ADAMTS17: variants seen among roughly 807,000 people sequenced by gnomAD.
The protein encoded by ADAMTS17 is ADAM metallopeptidase with thrombospondin type 1 motif 17, also known as A disintegrin and metalloproteinase with thrombospondin motifs 17.
A neutral mutation model predicts 141.5 loss-of-function variants in ADAMTS17; 113 were observed. The ratio of observed to expected loss-of-function variants is 0.80; its 90% CI spans 0.69 to 0.93. The LOEUF (loss-of-function observed/expected upper bound fraction) is 0.93. ADAMTS17 is among the 40% of genes least tolerant of loss of function. ADAMTS17 has a pLI of 0.00. For synonymous variants in ADAMTS17, 768 were observed against 630.6 expected (o/e 1.22, Z -3.27); for missense variants, 1,659 against 1,517.9 (o/e 1.09, Z -1.54).
chr15:100,211,791 GAT>G (rs772903330), intron 7 of ADAMTS17, among the ~76,000 whole-genome samples: 40 of 152,114 alleles, frequency 2.6e-4, no homozygotes, highest in Non-Finnish European at 4.7e-4. Context: ...ATCACAAGAA[GAT>G]ATCAATTCAC....
At chr15:99,999,041 C>T (rs565278093) in intron 18 of ADAMTS17, among the ~76,000 whole-genome samples, 30 of 152,266 alleles carry the variant, frequency 2.0e-4, no homozygotes, top group African/African-American at 6.0e-4. Context: ...ATCCTTTGAA[C>T]GGGTACTGGA....
chr15:100,285,294 G>A (rs183523518), intron 3 of ADAMTS17, among the ~76,000 whole-genome samples: 12 of 152,308 alleles, frequency 7.9e-5, no homozygotes, highest in African/African-American at 2.2e-4. Context: ...TACTCTAGAC[G>A]TTTGGGGACT....
intron 18 of ADAMTS17, among the ~76,000 whole-genome samples, chr15:100,015,191 C>G (rs2061263624): frequency 1.3e-5 from 2 of 152,170 alleles, no homozygotes; most frequent in African/African-American, 4.8e-5. Context: ...CCCCTGCTCA[C>G]TTTTGCTGTC....
At chr15:100,264,023 G>T (rs1037887602) in intron 4 of ADAMTS17, among the ~76,000 whole-genome samples, 1 of 152,148 alleles carries the variant, frequency 6.6e-6, no homozygotes, top group Admixed American at 6.5e-5. Flanking sequence ...GTCACTGCTC[G>T]AATTTTACTC....
chr15:100,276,777 C>T (rs2044112405), intron 4 of ADAMTS17, among the ~76,000 whole-genome samples: 2 of 152,238 alleles, frequency 1.3e-5, no homozygotes, highest in South Asian at 2.1e-4. Flanking sequence ...AGCCACAATC[C>T]TTTCCCGTCC....
Position 100,338,856 on chromosome 15 carries a change from G to A in ADAMTS17, c.450+2183C>T, listed in dbSNP as rs575491612. Reference sequence around the variant, plus strand: ...TCAGCCACCTGAACTGAGAACCAAAGTCAAAGCTAGTCTGCAATGCAAACT... The same window carrying A: ...TCAGCCACCTGAACTGAGAACCAAAATCAAAGCTAGTCTGCAATGCAAACT... On this transcript the variant is annotated intron_variant, in intron 2 of 21. Coordinates refer to ENST00000268070, the MANE Select transcript of ADAMTS17 (RefSeq NM_139057.4). The A allele has an allele frequency of 1.3e-5, 9 of 698,360 alleles. No individual in the cohort carries two copies. The South Asian group carries it at 5.7e-4, about 45-fold the overall frequency. The allele number at this position is 698,360 out of a possible 1,614,324, so 43.3% of individuals were successfully genotyped here.
intron 10 of ADAMTS17, 76 bp downstream of exon 10, chr15:100,152,536 C>G (rs1244182881): frequency 1.9e-6 from 3 of 1,594,886 alleles, no homozygotes; most frequent in African/African-American, 2.7e-5. Context: ...CCCATGTCCT[C>G]CAGCAGAAGC....
At chr15:100,264,575 T>C (rs191654031) in intron 4 of ADAMTS17, among the ~76,000 whole-genome samples, 146 of 152,318 alleles carry the variant, frequency 9.6e-4, no homozygotes, top group African/African-American at 3.4e-3. Flanking sequence ...CATATTCTGA[T>C]ATGCCACAAA....
Position 100,008,392 on chromosome 15 carries a change from G to A in ADAMTS17, c.2592-10803C>T, listed in dbSNP as rs756738523. Among the ~76,000 whole-genome samples, 45 of 152,298 alleles carry A rather than the reference G, an allele frequency of 3.0e-4. No individual in the cohort carries two copies. In the Middle Eastern group the frequency reaches 0.01, roughly 35 times the overall value. ...AGAACAGGCTGCTGCAGACACATGG[G>A]AATGGGACCCTGCCCACAGGTGGTG... On this transcript the variant is annotated intron_variant, in intron 18 of 21. Transcript: ENST00000268070.
chr15:100,310,303 G>A (rs944349957), intron 3 of ADAMTS17, among the ~76,000 whole-genome samples: 2 of 152,218 alleles, frequency 1.3e-5, no homozygotes, highest in Admixed American at 1.3e-4. Context: ...GAGAGGAGGG[G>A]TAATAAAGCA....
At chr15:100,135,739 A>C (rs1367517360) in intron 10 of ADAMTS17, among the ~76,000 whole-genome samples, 2 of 152,268 alleles carry the variant, frequency 1.3e-5, no homozygotes, top group Non-Finnish European at 2.9e-5. Flanking sequence ...ATTAAGAAAA[A>C]GACCCAGTAG....
intron 14 of ADAMTS17, among the ~76,000 whole-genome samples, chr15:100,100,820 A>C (rs1452804009): frequency 6.6e-6 from 1 of 152,106 alleles, no homozygotes; most frequent in Non-Finnish European, 1.5e-5. Flanking sequence ...GTCCGCACAT[A>C]TGAATTTAAG....
Position 100,296,580 on chromosome 15 carries a change from G to GTGT in ADAMTS17, c.617-15180_617-15179insACA, listed in dbSNP as rs1555504074. 8.7e-3 allele frequency among the ~76,000 whole-genome samples: 942 copies of GTGT among 108,002 alleles called. 2 individuals are homozygous for GTGT. The highest frequency in any genetic ancestry group is 0.023 in the African/African-American group (588 of 25,188). The allele number at this position is 108,002 out of a possible 152,430, so 70.9% of individuals were successfully genotyped here. On this transcript the variant is annotated intron_variant, in intron 3 of 21. Transcript: ENST00000268070. ...TTTTTGTTTGGAGGGGGTGAGGGGG[G>GTGT]GTGTGTGTGTGTGTGTGTGTGTGTA...
intron 12 of ADAMTS17, 80 bp from the exon 13 acceptor site, chr15:100,117,093 G>C (rs910342349): frequency 6.3e-5 from 94 of 1,503,358 alleles, no homozygotes; most frequent in Non-Finnish European, 7.9e-5. Flanking sequence ...CTCTTGCCAG[G>C]GGGAGGAGAG....
chr15:99,999,849 G>A (rs541124190), intron 18 of ADAMTS17, among the ~76,000 whole-genome samples: 58 of 152,212 alleles, frequency 3.8e-4, no homozygotes, highest in African/African-American at 1.4e-3. Context: ...GAGCCACCTG[G>A]GCTCCTCCCT....
At chr15:100,166,197 A>G (rs948548918) in intron 8 of ADAMTS17, among the ~76,000 whole-genome samples, 1 of 152,192 alleles carries the variant, frequency 6.6e-6, no homozygotes, top group South Asian at 2.1e-4. Flanking sequence ...GAAACCGTGA[A>G]TAAGATCTGC....
chr15:99,997,271 T>C lies in ADAMTS17; in HGVS notation c.2796+114A>G. 1 of 1,226,978 alleles carries C rather than the reference T, an allele frequency of 8.2e-7. No homozygotes were observed. Among genetic ancestry groups the C allele is most frequent in the Non-Finnish European group, 1.2e-6 (1 of 839,964 alleles). 76.0% of individuals were successfully genotyped at this position (1,226,978 alleles called of 1,614,324 possible). A position where few individuals can be genotyped will look rare whatever the true frequency, so the allele number is the denominator to read the frequency against. On this transcript the variant is annotated intron_variant, in intron 19 of 21. Transcript: ENST00000268070. This position sits in a 1 kb window ranked among gnomAD's most constrained non-coding sequence, Gnocchi z 4.7. Reference sequence around the variant, plus strand: ...AAGAACACATGAGCTATAACACAACTTCAAGCTGACCTGGGGGCGAGCGAG... The same window carrying C: ...AAGAACACATGAGCTATAACACAACCTCAAGCTGACCTGGGGGCGAGCGAG...
intron 10 of ADAMTS17, among the ~76,000 whole-genome samples, chr15:100,137,206 A>C (rs1312737129): frequency 7.2e-5 from 11 of 152,164 alleles, no homozygotes; most frequent in Admixed American, 7.2e-4. Context: ...CCAACGTAGG[A>C]ATGGGAGTTA....
chr15:100,067,557 G>C (rs935290931), intron 15 of ADAMTS17, among the ~76,000 whole-genome samples: 8 of 150,980 alleles, frequency 5.3e-5, no homozygotes, highest in African/African-American at 1.7e-4. Context: ...TATATTATTA[G>C]TACACATTTT....
Sources: allele counts gnomAD v4.1 joint callset (sites outside exome capture counted in the v4.1 genomes callset), GRCh38; gene constraint gnomAD v4.1.1; non-coding constraint Gnocchi (gnomAD v3.1); transcripts MANE v1.5; gene names NCBI Gene and HGNC (gene_info 2026-07-23, HGNC 2026-07-21).